The following TANC1 variants were observed in gnomAD, a reference collection of about 807,000 sequenced individuals.
TANC1 encodes the protein protein TANC1.
In TANC1, 77 loss-of-function variants were observed where a neutral mutation model predicts 149.7. The ratio of observed to expected loss-of-function variants is 0.51; its 90% CI spans 0.43 to 0.62. TANC1 has a LOEUF of 0.62. Ranked by LOEUF, TANC1 falls within the 20% of genes least tolerant of loss-of-function variation. The pLI is 0.00. For missense variants in TANC1, 1,985 were observed against 2,321.8 expected, an observed-to-expected ratio of 0.85 and a Z score of 2.98; for synonymous variants, 854 against 925.0, an observed-to-expected ratio of 0.92 and a Z score of 1.39.
chr2:159,172,297 C>G (rs1441404644), intron 11 of TANC1, 25 bp downstream of exon 11: 6 of 1,607,066 alleles, frequency 3.7e-6, no homozygotes, highest in African/African-American at 1.3e-5. Context: ...TTTATTGGAG[C>G]CTTCCACATA....
At position 159,230,224 on chromosome 2, in the gene TANC1, C is replaced by G. The variant is rs958759735; in HGVS notation, c.4798C>G (p.Arg1600Gly). Reference protein sequence around the residue: ...TRAGCGHFGDRLGPSQNVRLQ... With the variant: ...TRAGCGHFGDGLGPSQNVRLQ... Reference sequence around the variant, plus strand: ...AGCTGGTTGTGGCCACTTTGGGGATCGGCTGGGCCCCAGCCAGAATGTCCG... The same window carrying G: ...AGCTGGTTGTGGCCACTTTGGGGATGGGCTGGGCCCCAGCCAGAATGTCCG... Residue 1600 changes from arginine to glycine, a missense_variant, in exon 27 of 27, where the codon CGG (arginine) becomes GGG (glycine). This residue lies in a region of TANC1 where 920 missense variants were observed against 994.7 expected (regional missense o/e 0.92). Transcript: ENST00000263635. This position sits in a 1 kb window ranked among gnomAD's most constrained non-coding sequence, Gnocchi z 4.4. 1 of 1,613,916 alleles carries G rather than the reference C, an allele frequency of 6.2e-7. No individual in the cohort carries two copies. The highest frequency in any genetic ancestry group is 8.5e-7 in the Non-Finnish European group (1 of 1,180,030).
intron 2 of TANC1, among the ~76,000 whole-genome samples, chr2:159,050,404 A>G (rs2041384042): frequency 6.6e-6 from 1 of 152,216 alleles, no homozygotes; most frequent in Admixed American, 6.5e-5. Context: ...GTTTTAAATT[A>G]AACCAGGTTA....
chr2:158,991,855 G>C (rs1040617842), intron 1 of TANC1, among the ~76,000 whole-genome samples: 1 of 152,202 alleles, frequency 6.6e-6, no homozygotes, highest in East Asian at 1.9e-4. Context: ...TGCTACTACA[G>C]TGTCATAGTA....
chr2:159,181,471 G>A (rs1225401544), intron 14 of TANC1, among the ~76,000 whole-genome samples: 1 of 152,056 alleles, frequency 6.6e-6, no homozygotes, highest in African/African-American at 2.4e-5. Flanking sequence ...CTAACTTTTT[G>A]TATTTTTAGT....
chr2:159,125,646 G>A (rs2049367823), intron 4 of TANC1, among the ~76,000 whole-genome samples: 1 of 148,238 alleles, frequency 6.7e-6, no homozygotes, highest in Non-Finnish European at 1.5e-5. Flanking sequence ...CTGGAGTGCA[G>A]TGTCGTGATC....
At chr2:159,201,284 C>T (rs2058227319) in intron 19 of TANC1, among the ~76,000 whole-genome samples, 1 of 152,312 alleles carries the variant, frequency 6.6e-6, no homozygotes, top group South Asian at 2.1e-4. Flanking sequence ...TAGGTCCTTA[C>T]ACAAATGTAT....
intron 2 of TANC1, among the ~76,000 whole-genome samples, chr2:159,037,383 A>G (rs1415447924): frequency 2.0e-5 from 3 of 152,038 alleles, no homozygotes; most frequent in Non-Finnish European, 2.9e-5. Flanking sequence ...CCATTTGTCA[A>G]TTTTGGCTTT....
At chr2:159,089,835 G>A (rs532875682) in intron 3 of TANC1, among the ~76,000 whole-genome samples, 14 of 152,338 alleles carry the variant, frequency 9.2e-5, no homozygotes, top group Admixed American at 9.2e-4. Flanking sequence ...CGTGTCCACT[G>A]TAGTCAGCTG....
At chr2:159,146,535 C>T (rs969961792) in intron 5 of TANC1, among the ~76,000 whole-genome samples, 9 of 111,336 alleles carry the variant, frequency 8.1e-5, no homozygotes, top group African/African-American at 2.0e-4. Flanking sequence ...TGTCCCTTTT[C>T]CTTTTTTTTT....
chr2:159,134,718 T>C (rs1227015912), intron 4 of TANC1, among the ~76,000 whole-genome samples: 1 of 151,876 alleles, frequency 6.6e-6, no homozygotes, highest in African/African-American at 2.4e-5. Flanking sequence ...ACTCCTGACC[T>C]CATGATCCAC....
At chr2:159,205,058 C>T (rs1358705679) in intron 19 of TANC1, among the ~76,000 whole-genome samples, 1 of 152,224 alleles carries the variant, frequency 6.6e-6, no homozygotes, top group East Asian at 1.9e-4. Context: ...GTTTCCAGGC[C>T]CCTCTTGGGG....
At chr2:159,209,053 G>A (rs542471597) in intron 19 of TANC1, among the ~76,000 whole-genome samples, 145 of 152,280 alleles carry the variant, frequency 9.5e-4, no homozygotes, top group East Asian at 1.5e-3. Context: ...GCAGTCTGTC[G>A]CTGACTGAAA....
chr2:159,155,909 A>G (rs181091747), intron 7 of TANC1, among the ~76,000 whole-genome samples: 70 of 152,284 alleles, frequency 4.6e-4, no homozygotes, highest in African/African-American at 1.6e-3. Context: ...AAAAATTATC[A>G]TGGGCTGACT....
intron 19 of TANC1, among the ~76,000 whole-genome samples, chr2:159,207,308 A>C (rs1049312728): frequency 5.9e-5 from 9 of 152,310 alleles, no homozygotes; most frequent in African/African-American, 2.2e-4. Context: ...AAAGAGAAGC[A>C]CTTTCTGGTA....
chr2:159,193,422 A>C (rs2057613054), intron 16 of TANC1, among the ~76,000 whole-genome samples: 1 of 152,372 alleles, frequency 6.6e-6, no homozygotes, highest in Non-Finnish European at 1.5e-5. Flanking sequence ...TGCAATTAAC[A>C]TGAGGGTACA....
At chr2:159,078,721 C>G (rs1006998893) in intron 3 of TANC1, among the ~76,000 whole-genome samples, 2 of 152,142 alleles carry the variant, frequency 1.3e-5, no homozygotes, top group African/African-American at 4.8e-5. Flanking sequence ...ACCTCTAATC[C>G]TTCTGATTTC....
At chr2:159,129,860 C>A (rs2049894684) in intron 4 of TANC1, among the ~76,000 whole-genome samples, 1 of 152,198 alleles carries the variant, frequency 6.6e-6, no homozygotes, top group Non-Finnish European at 1.5e-5. Context: ...CACTCACAGC[C>A]ACTGCACTTC....
At chr2:159,195,501 G>A (rs1369167600) in intron 17 of TANC1, among the ~76,000 whole-genome samples, 2 of 152,076 alleles carry the variant, frequency 1.3e-5, no homozygotes, top group South Asian at 4.1e-4. Context: ...GCATTTTTTT[G>A]GGAAATGTGC....
intron 19 of TANC1, among the ~76,000 whole-genome samples, chr2:159,207,727 A>AAC (rs1559460760): frequency 1.6e-5 from 2 of 127,896 alleles, no homozygotes; most frequent in Non-Finnish European, 3.2e-5. Context: ...AAAAAAAAAA[A>AAC]CAACTCAGAC....
Sources: gnomAD v4.1 joint callset for allele counts (sites outside exome capture counted in the v4.1 genomes callset) on GRCh38, gnomAD v4.1.1 for gene constraint, gnomAD v4.1.1 regional missense constraint, Gnocchi (gnomAD v3.1) non-coding constraint, MANE v1.5 for transcripts, NCBI Gene and HGNC (gene_info 2026-07-23, HGNC 2026-07-21) for gene names.